ASAH2: variants seen among roughly 807,000 people sequenced by gnomAD.
The protein encoded by ASAH2 is N-acylsphingosine amidohydrolase 2.
Under a neutral mutation model 82.9 loss-of-function variants are expected in ASAH2, and 58 were observed. The observed-to-expected ratio is 0.70, with a 90% CI of 0.57 to 0.87. The LOEUF (loss-of-function observed/expected upper bound fraction) is 0.87, where lower values mean the gene tolerates loss of function less well. ASAH2 is among the 40% of genes least tolerant of loss of function. The pLI, the probability that ASAH2 is intolerant of heterozygous loss-of-function variation, is 0.00. For synonymous variants in ASAH2, 276 were observed against 289.7 expected, an observed-to-expected ratio of 0.95 and a Z score of 0.48; for missense variants, 779 against 834.0, an observed-to-expected ratio of 0.93 and a Z score of 0.81.
Position 50,199,053 on chromosome 10 carries a change from T to A in ASAH2, c.1855A>T (p.Thr619Ser). ...ACGCACAAACAATATTTGATTACCG[T>A]AGCAATAGCCTTAGCAAGGTTTCTG... is the stretch of plus-strand genomic sequence containing the variant. Reference protein sequence around the residue: ...LFRNLAKAIATDTVANLSRGP... With the variant: ...LFRNLAKAIASDTVANLSRGP... Residue 619 changes from threonine (T) to serine (S), a missense_variant and splice_region_variant, in exon 17 of 21, where the codon ACG becomes TCG. By Grantham distance (58) the Thr-to-Ser change is moderately conservative. Around this residue, in one of 3 missense-constraint regions of ASAH2, gnomAD observed 6 missense variants for 62.6 expected, o/e 0.10. Transcript: ENST00000682911. 1 of 1,613,084 alleles carries A rather than the reference T, an allele frequency of 6.2e-7. No homozygotes were observed. The highest frequency in any genetic ancestry group is 8.5e-7 in the Non-Finnish European group (1 of 1,179,398).
chr10:50,210,852 T>C lies in ASAH2; in HGVS notation c.1385A>G (p.Asp462Gly). 6.2e-7 allele frequency: 1 copy of C among 1,613,586 alleles called. No individual in the cohort carries two copies. Among genetic ancestry groups the C allele is most frequent in the African/African-American group, 1.3e-5 (1 of 75,006 alleles). Reference protein sequence around the residue: ...LGYSFAAGTIDGVGGLNFTQG... With the variant: ...LGYSFAAGTIGGVGGLNFTQG... The stretch of plus-strand genomic sequence containing the variant: ...TGTAAAATTGAGGCCTCCAACTCCA[T>C]CAATAGTGCCAGCTGCAAAACTGTA... The change falls in exon 12 of 21, where the codon GAT becomes GGT. Residue 462 changes from aspartate (D) to glycine (G), a missense_variant. Around this residue, in one of 3 missense-constraint regions of ASAH2, gnomAD observed 759 missense variants for 755.2 expected, o/e 1.00. Transcript: ENST00000682911.
chr10:50,244,243 C>A (rs1385086061), intron 3 of ASAH2, among the ~76,000 whole-genome samples: 1 of 152,174 alleles, frequency 6.6e-6, no homozygotes, highest in East Asian at 1.9e-4. Context: ...TCTCTCAGAA[C>A]AATTGTTCTC....
At chr10:50,197,649 A>T (rs1018288846) in intron 17 of ASAH2, among the ~76,000 whole-genome samples, 11 of 152,004 alleles carry the variant, frequency 7.2e-5, no homozygotes, top group Non-Finnish European at 1.3e-4. Context: ...TTTGCAAATG[A>T]GAAAATAGGC....
chr10:50,216,302 T>C (rs1026414101), intron 8 of ASAH2, among the ~76,000 whole-genome samples: 1 of 60,834 alleles, frequency 1.6e-5, no homozygotes, highest in East Asian at 3.5e-4. Context: ...ACTTAAAGTA[T>C]AATAATAAAA....
chr10:50,207,678 A>G (rs1845340219), intron 12 of ASAH2, among the ~76,000 whole-genome samples: 1 of 151,682 alleles, frequency 6.6e-6, no homozygotes, highest in Non-Finnish European at 1.5e-5. Flanking sequence ...TTCATAACAC[A>G]TTTTTAACTA....
intron 14 of ASAH2, among the ~76,000 whole-genome samples, chr10:50,203,950 T>C (rs1218230319): frequency 6.6e-6 from 1 of 152,048 alleles, no homozygotes; most frequent in African/African-American, 2.4e-5. Flanking sequence ...TTATTTTCCA[T>C]TCTTGAGTCA....
chr10:50,189,629 A>G, intron 19 of ASAH2, 42 bp from the exon 20 acceptor site: 1 of 156,774 alleles, frequency 6.4e-6, no homozygotes. Flanking sequence ...CTGCACAGTC[A>G]CAGAAGGAAC....
rs1196536926 is a variant in ASAH2 at position 50,185,797 on chromosome 10, C to A, written c.*1518G>T. ...TAAATTATGTTGAGATTAAGTTATACATAATAGATGTTAATACTACCATTA... is the reference window on the plus strand; with the variant it reads ...TAAATTATGTTGAGATTAAGTTATAAATAATAGATGTTAATACTACCATTA... On this transcript the variant is annotated 3_prime_UTR_variant, in exon 21 of 21. Transcript: ENST00000682911. The A allele has an allele frequency of 6.9e-6, 1 of 144,038 alleles. No individual in the cohort carries two copies. The highest frequency in any genetic ancestry group is 1.5e-5 in the Non-Finnish European group (1 of 66,490). The allele number at this position is 144,038 out of a possible 1,614,324, so 8.9% of individuals were successfully genotyped here. A position where few individuals can be genotyped will look rare whatever the true frequency, so the allele number is the denominator to read the frequency against.
rs1206606504 is a variant in ASAH2, at chr10:50,235,172, T to C, written c.688-620A>G. 3.8e-4 allele frequency among the ~76,000 whole-genome samples: 58 copies of C among 152,144 alleles called. 2 individuals carry two copies. Among genetic ancestry groups the C allele is most frequent in the Non-Finnish European group, 2.9e-5 (2 of 68,024 alleles). Reference sequence around the variant, plus strand: ...ATCCATGAAATTGATTTCATAAGCCTTTAATACATTGAAAGCCTCAGTTTG... The same window carrying C: ...ATCCATGAAATTGATTTCATAAGCCCTTAATACATTGAAAGCCTCAGTTTG... On this transcript the variant is annotated intron_variant, in intron 5 of 20. Transcript: ENST00000682911.
intron 18 of ASAH2, among the ~76,000 whole-genome samples, chr10:50,193,926 TCC>T (rs1844907508): frequency 6.6e-6 from 1 of 151,044 alleles, no homozygotes; most frequent in Admixed American, 6.6e-5. Flanking sequence ...TGATACCAAT[TCC>T]TATAAAGATA....
rs376981875 is a variant in ASAH2 at position 50,245,505 on chromosome 10, T to C, written c.128-51A>G. 5.3e-5 allele frequency: 79 copies of C among 1,497,594 alleles called. No homozygotes were observed. The African/African-American group carries it at 1.1e-3, about 21-fold the overall frequency. 92.8% of individuals were successfully genotyped at this position (1,497,594 alleles called of 1,614,324 possible). A position where few individuals can be genotyped will look rare whatever the true frequency, so the allele number is the denominator to read the frequency against. On this transcript the variant is annotated intron_variant, in intron 2 of 20. Coordinates refer to ENST00000682911, the MANE Select transcript of ASAH2 (RefSeq NM_019893.4). ...AACAACATTTCAGCCCTCTTATTTG[T>C]CAACATCAATTAGAACACAATATAT... is the stretch of plus-strand genomic sequence containing the variant.
intron 7 of ASAH2, among the ~76,000 whole-genome samples, chr10:50,220,521 C>G (rs1489237507): frequency 3.3e-5 from 5 of 151,996 alleles, no homozygotes; most frequent in Non-Finnish European, 7.4e-5. Context: ...TCTTAGCAAA[C>G]AAACACAGGA....
intron 17 of ASAH2, among the ~76,000 whole-genome samples, chr10:50,197,549 TC>T (rs1292382422): frequency 2.0e-5 from 3 of 152,118 alleles, no homozygotes; most frequent in South Asian, 2.1e-4. Flanking sequence ...GCCATTACTT[TC>T]AATGAATATT....
chr10:50,197,783 AT>A (rs2133196706), intron 17 of ASAH2, among the ~76,000 whole-genome samples: 1 of 151,808 alleles, frequency 6.6e-6, no homozygotes, highest in East Asian at 1.9e-4. Flanking sequence ...TCACTACAAA[AT>A]TTGAAGAATC....
chr10:50,233,395 G>A, intron 6 of ASAH2, 134 bp from the exon 7 acceptor site: 2 of 697,310 alleles, frequency 2.9e-6, no homozygotes, highest in Non-Finnish European at 5.3e-6. Context: ...CAGTAGTTCT[G>A]TGAACTGTAT....
intron 5 of ASAH2, among the ~76,000 whole-genome samples, chr10:50,234,779 G>A (rs1431091857): frequency 2.0e-5 from 3 of 152,210 alleles, no homozygotes; most frequent in East Asian, 1.9e-4. Context: ...CGGAAGCACA[G>A]TACTGATTAA....
chr10:50,226,485 G>T (rs1219324535), intron 7 of ASAH2, among the ~76,000 whole-genome samples: 2 of 151,930 alleles, frequency 1.3e-5, no homozygotes, highest in Non-Finnish European at 2.9e-5. Context: ...TAAAAGAAAA[G>T]AAGATTTTAA....
chr10:50,204,867 TC>T lies in ASAH2; in HGVS notation c.1618del (p.Glu540SerfsTer26). On this transcript the variant is annotated frameshift_variant, in exon 14 of 21. Transcript: ENST00000682911. LOFTEE classifies it high-confidence loss of function. ...GSLAITAIPG[E>X]FTTMSGRRLR... Reference sequence around the variant, plus strand: ...AATAAAAAGAAAAACTTACGTAAACTCCCCGGGGATGGCAGTTATGGCCAAG... The same window carrying T: ...AATAAAAAGAAAAACTTACGTAAACTCCCGGGGATGGCAGTTATGGCCAAG... The T allele has an allele frequency of 6.2e-7, 1 of 1,606,876 alleles. No individual in the cohort carries two copies. The highest frequency in any genetic ancestry group is 8.5e-7 in the Non-Finnish European group (1 of 1,174,938).
At chr10:50,213,262 T>C (rs1342574546) in intron 9 of ASAH2, among the ~76,000 whole-genome samples, 1 of 152,220 alleles carries the variant, frequency 6.6e-6, no homozygotes, top group African/African-American at 2.4e-5. Flanking sequence ...TGATCTATTC[T>C]GGAGCCTTTC....
Sources: allele counts gnomAD v4.1 joint callset (sites outside exome capture counted in the v4.1 genomes callset), GRCh38; gene constraint gnomAD v4.1.1; regional missense constraint gnomAD v4.1.1; transcripts MANE v1.5; gene names NCBI Gene and HGNC (gene_info 2026-07-23, HGNC 2026-07-21).